The following DLGAP2 variants were observed in gnomAD, a reference collection of about 807,000 sequenced individuals.
DLGAP2 encodes DLG associated protein 2.
A neutral mutation model predicts 100.3 loss-of-function variants in DLGAP2; 26 were observed. That is an observed-to-expected ratio of 0.26 (90% confidence interval 0.19 to 0.36). The LOEUF is 0.36. Among genes scored for constraint, DLGAP2 ranks in the 10% least tolerant of loss-of-function variants. The pLI is 1.00. For synonymous variants in DLGAP2, 886 were observed against 630.1 expected (o/e 1.41, Z -6.08); for missense variants, 1,858 against 1,453.2 (o/e 1.28, Z -4.53).
chr8:1,235,587 G>C (rs62486955), intron 2 of DLGAP2, among the ~76,000 whole-genome samples: 8 of 20,976 alleles, frequency 3.8e-4, no homozygotes, highest in Middle Eastern at 0.038. Context: ...ACCATGTCTA[G>C]TTCTCTCACA....
At chr8:1,083,695 C>T (rs914709660) in intron 2 of DLGAP2, among the ~76,000 whole-genome samples, 4 of 152,106 alleles carry the variant, frequency 2.6e-5, no homozygotes, top group African/African-American at 7.2e-5. Context: ...TTATGGCACA[C>T]GGTTCCAAAG....
chr8:1,616,461 A>C (rs1212652943), intron 6 of DLGAP2, among the ~76,000 whole-genome samples: 1 of 152,206 alleles, frequency 6.6e-6, no homozygotes, highest in East Asian at 1.9e-4. Context: ...TAAACTGTGG[A>C]AAACCAGAGA....
At chr8:1,283,264 C>T (rs1034210520) in intron 3 of DLGAP2, among the ~76,000 whole-genome samples, 10 of 143,208 alleles carry the variant, frequency 7.0e-5, no homozygotes, top group Admixed American at 6.2e-4. Context: ...ACCCAGCGCC[C>T]TGAACCATCC....
chr8:769,203 G>A (rs939656478), intron 1 of DLGAP2, among the ~76,000 whole-genome samples: 7 of 152,124 alleles, frequency 4.6e-5, no homozygotes, highest in South Asian at 2.1e-4. Flanking sequence ...ATTTCATCCC[G>A]AGGGGCAATC....
chr8:1,054,263 C>A (rs1298141700), intron 2 of DLGAP2, among the ~76,000 whole-genome samples: 1 of 152,064 alleles, frequency 6.6e-6, no homozygotes, highest in Non-Finnish European at 1.5e-5. Context: ...CACACACGCA[C>A]ACACACGGAC....
chr8:1,432,350 A>G (rs529926311), intron 3 of DLGAP2, among the ~76,000 whole-genome samples: 1 of 152,208 alleles, frequency 6.6e-6, no homozygotes, highest in Non-Finnish European at 1.5e-5. Context: ...TGCACCTTAA[A>G]AAAATAATGG....
chr8:1,638,735 A>C (rs1286711730), intron 8 of DLGAP2, among the ~76,000 whole-genome samples: 2 of 152,176 alleles, frequency 1.3e-5, no homozygotes, highest in Non-Finnish European at 2.9e-5. Flanking sequence ...CCAGAAAGCC[A>C]GCATGCAGGC....
intron 1 of DLGAP2, among the ~76,000 whole-genome samples, chr8:795,145 C>A (rs866463347): frequency 1.3e-5 from 2 of 152,212 alleles, no homozygotes; most frequent in Non-Finnish European, 2.9e-5. Context: ...ACAGCAGTTA[C>A]GTTCTGTGAA....
intron 1 of DLGAP2, among the ~76,000 whole-genome samples, chr8:860,837 A>G (rs1797375272): frequency 6.6e-6 from 1 of 152,156 alleles, no homozygotes; most frequent in Non-Finnish European, 1.5e-5. Context: ...CAGACAAATC[A>G]TGCCGTAATA....
intron 2 of DLGAP2, among the ~76,000 whole-genome samples, chr8:971,430 A>G (rs1407471614): frequency 6.6e-6 from 1 of 152,148 alleles, no homozygotes; most frequent in Non-Finnish European, 1.5e-5. Context: ...CCTCCCCAAA[A>G]TTGGAGCAAC....
chr8:1,265,306 A>G (rs950251085), intron 3 of DLGAP2, among the ~76,000 whole-genome samples: 2 of 152,250 alleles, frequency 1.3e-5, no homozygotes, highest in South Asian at 2.1e-4. Flanking sequence ...AAGATGGGTC[A>G]TTTAAATTGA....
At chr8:1,556,161 C>T (rs1317757566) in intron 5 of DLGAP2, among the ~76,000 whole-genome samples, 2 of 152,202 alleles carry the variant, frequency 1.3e-5, no homozygotes, top group East Asian at 3.9e-4. Context: ...TGCATTTATG[C>T]CATGACGGCC....
At chr8:804,357 G>T (rs1047240309) in intron 1 of DLGAP2, among the ~76,000 whole-genome samples, 3 of 152,162 alleles carry the variant, frequency 2.0e-5, no homozygotes, top group African/African-American at 7.2e-5. Flanking sequence ...GGCAGCGATG[G>T]TCTCTGTGTT....
At chr8:1,024,371 ACCCCAGCCGCCACCCACC>A (rs1158281894) in intron 2 of DLGAP2, among the ~76,000 whole-genome samples, 2 of 142,768 alleles carry the variant, frequency 1.4e-5, no homozygotes, top group Admixed American at 6.9e-5. Flanking sequence ...CGAGGCAGAC[ACCCCAGCCGCCACCCACC>A]CTCCCTGGGG....
At chr8:1,291,763 T>C (rs184377278) in intron 3 of DLGAP2, among the ~76,000 whole-genome samples, 11 of 152,218 alleles carry the variant, frequency 7.2e-5, no homozygotes, top group Admixed American at 5.9e-4. Context: ...ACACCCAACA[T>C]TGAGCCCCCG....
chr8:1,574,369 C>G (rs1802878584), intron 6 of DLGAP2, among the ~76,000 whole-genome samples: 1 of 152,140 alleles, frequency 6.6e-6, no homozygotes, highest in East Asian at 1.9e-4. Flanking sequence ...GCTCTGGTAA[C>G]TGTGCTGAAG....
chr8:1,033,703 ACGC>A (rs1802038171), intron 2 of DLGAP2, among the ~76,000 whole-genome samples: 1 of 151,466 alleles, frequency 6.6e-6, no homozygotes, highest in African/African-American at 2.4e-5. Flanking sequence ...GTGGATTCAC[ACGC>A]TCATCCCGAC....
At chr8:801,276 TAAGAA>T (rs1273337260) in intron 1 of DLGAP2, among the ~76,000 whole-genome samples, 1 of 152,154 alleles carries the variant, frequency 6.6e-6, no homozygotes, top group Non-Finnish European at 1.5e-5. Flanking sequence ...TTTAAGGAAA[TAAGAA>T]AAGCATCTCC....
chr8:937,382 G>A (rs207468895), intron 2 of DLGAP2, among the ~76,000 whole-genome samples: 46 of 152,152 alleles, frequency 3.0e-4, no homozygotes, highest in African/African-American at 1.1e-3. Flanking sequence ...AATTGTCACT[G>A]GCTTTCTCCA....
Sources: gnomAD v4.1 joint callset for allele counts (sites outside exome capture counted in the v4.1 genomes callset) on GRCh38, gnomAD v4.1.1 for gene constraint, MANE v1.5 for transcripts, NCBI Gene and HGNC (gene_info 2026-07-23, HGNC 2026-07-21) for gene names.